MICU2: variants seen among roughly 807,000 people sequenced by gnomAD.
MICU2 encodes calcium uptake protein 2, mitochondrial.
MICU2 carries 64 observed loss-of-function variants against 60.4 expected under a neutral mutation model. The ratio of observed to expected loss-of-function variants is 1.06; its 90% confidence interval spans 0.87 to 1.31. The LOEUF (loss-of-function observed/expected upper bound fraction) is 1.31. Among genes scored for constraint, MICU2 ranks in the 50% most tolerant of loss-of-function variants. The pLI, the probability that MICU2 is intolerant of heterozygous loss-of-function variation, is 0.00. For synonymous variants in MICU2, 201 were observed against 175.0 expected (o/e 1.15, Z -1.17); for missense variants, 569 against 531.0 (o/e 1.07, Z -0.70).
At chr13:21,529,207 G>A (rs1886929181) in intron 4 of MICU2, among the ~76,000 whole-genome samples, 3 of 152,146 alleles carry the variant, frequency 2.0e-5, no homozygotes, top group South Asian at 4.1e-4. Flanking sequence ...AATATGAAGG[G>A]TGGGAGGGGC....
At chr13:21,508,203 A>G (rs1886338935) in intron 8 of MICU2, among the ~76,000 whole-genome samples, 1 of 149,360 alleles carries the variant, frequency 6.7e-6, no homozygotes, top group South Asian at 2.1e-4. Flanking sequence ...CTGGCTCACT[A>G]CAAGATCTGC....
intron 6 of MICU2, among the ~76,000 whole-genome samples, chr13:21,520,042 C>A (rs1167776076): frequency 1.3e-5 from 2 of 152,178 alleles, no homozygotes; most frequent in Non-Finnish European, 2.9e-5. Context: ...CCTCAGGCAA[C>A]CAGTGATCTG....
At chr13:21,494,843 GAATAGT>G (rs1337317872) in intron 11 of MICU2, among the ~76,000 whole-genome samples, 4 of 152,146 alleles carry the variant, frequency 2.6e-5, no homozygotes, top group Non-Finnish European at 5.9e-5. Flanking sequence ...CTACATTTCT[GAATAGT>G]AATTTCTTTT....
At chr13:21,505,983 T>C (rs912713401) in intron 8 of MICU2, among the ~76,000 whole-genome samples, 62 of 152,164 alleles carry the variant, frequency 4.1e-4, no homozygotes, top group Admixed American at 2.7e-3. Flanking sequence ...CTGAGGATGA[T>C]ATGTAACTAT....
chr13:21,578,720 G>A (rs979685329), intron 1 of MICU2, among the ~76,000 whole-genome samples: 3 of 152,076 alleles, frequency 2.0e-5, no homozygotes, highest in Non-Finnish European at 4.4e-5. Context: ...ACTCTGCTAT[G>A]TGCAACCTCA....
At chr13:21,582,501 AT>A (rs776583960) in intron 1 of MICU2, among the ~76,000 whole-genome samples, 1 of 152,234 alleles carries the variant, frequency 6.6e-6, no homozygotes, top group Non-Finnish European at 1.5e-5. Context: ...ATATCAAAGA[AT>A]TTCAGTAAAC....
chr13:21,573,773 A>G (rs751364098), intron 1 of MICU2, among the ~76,000 whole-genome samples: 3 of 152,154 alleles, frequency 2.0e-5, no homozygotes, highest in Admixed American at 1.3e-4. Context: ...ATTAGACATA[A>G]TTAAGATTAT....
At chr13:21,516,043 A>C (rs1273485532) in intron 6 of MICU2, among the ~76,000 whole-genome samples, 1 of 152,206 alleles carries the variant, frequency 6.6e-6, no homozygotes, top group Non-Finnish European at 1.5e-5. Flanking sequence ...AAACATTATT[A>C]ATCTTCAATA....
intron 1 of MICU2, among the ~76,000 whole-genome samples, chr13:21,573,080 T>C (rs888842704): frequency 3.9e-5 from 6 of 152,212 alleles, no homozygotes; most frequent in Non-Finnish European, 7.3e-5. Context: ...TTCAAAGTAC[T>C]TCGTAGAATG....
At chr13:21,599,024 G>C (rs752078387) in intron 1 of MICU2, among the ~76,000 whole-genome samples, 1 of 152,116 alleles carries the variant, frequency 6.6e-6, no homozygotes, top group Non-Finnish European at 1.5e-5. Context: ...ATTAGATTCT[G>C]ATAGGAGCGC....
chr13:21,588,555 A>C (rs1888507222), intron 1 of MICU2, among the ~76,000 whole-genome samples: 1 of 152,190 alleles, frequency 6.6e-6, no homozygotes, highest in Non-Finnish European at 1.5e-5. Flanking sequence ...GAAATTTAGC[A>C]TTCCTTGGAG....
intron 2 of MICU2, among the ~76,000 whole-genome samples, chr13:21,548,634 G>A (rs967018304): frequency 4.6e-5 from 7 of 152,238 alleles, no homozygotes; most frequent in African/African-American, 1.7e-4. Flanking sequence ...CGGGGCTAGT[G>A]AAGCTGTGGA....
chr13:21,521,190 C>A, intron 6 of MICU2, 55 bp downstream of exon 6: 1 of 1,311,976 alleles, frequency 7.6e-7, no homozygotes. Context: ...GTAAAATTAT[C>A]ACACAAACAT....
chr13:21,574,382 G>A (rs147274137), intron 1 of MICU2, among the ~76,000 whole-genome samples: 81 of 152,334 alleles, frequency 5.3e-4, no homozygotes, highest in Middle Eastern at 3.4e-3. Flanking sequence ...ATGCTCCATG[G>A]ATTTCAAGGA....
rs1377300371 is a variant in MICU2 at position 21,493,164 on chromosome 13, TAAG to T, written c.*82_*84del. The T allele has an allele frequency of 2.9e-5, 22 of 767,682 alleles. No homozygotes were observed. The highest frequency in any genetic ancestry group is 4.2e-5 in the Non-Finnish European group (21 of 496,772). 47.6% of individuals were successfully genotyped at this position (767,682 alleles called of 1,614,324 possible). ...TTCACACAGAATATCAATGAAGACT[TAAG>T]AAGATAAATAGCAAGTACTTCTAAA... On this transcript the variant is annotated 3_prime_UTR_variant, in exon 12 of 12. Transcript: ENST00000382374.
intron 2 of MICU2, among the ~76,000 whole-genome samples, chr13:21,546,109 T>G (rs1453431536): frequency 6.6e-6 from 1 of 152,206 alleles, no homozygotes; most frequent in Non-Finnish European, 1.5e-5. Flanking sequence ...CTATTTTCCT[T>G]CAACAAAGTA....
chr13:21,578,541 G>A (rs1402250110), intron 1 of MICU2, among the ~76,000 whole-genome samples: 1 of 151,946 alleles, frequency 6.6e-6, no homozygotes, highest in South Asian at 2.1e-4. Context: ...GTAAGCCAGT[G>A]AGCCATGATT....
At chr13:21,556,389 C>T (rs529501772) in intron 2 of MICU2, among the ~76,000 whole-genome samples, 1 of 152,166 alleles carries the variant, frequency 6.6e-6, no homozygotes, top group Non-Finnish European at 1.5e-5. Context: ...ATCTCTTCAC[C>T]TCCAAATGTT....
intron 4 of MICU2, among the ~76,000 whole-genome samples, chr13:21,527,582 T>C (rs556337311): frequency 2.1e-4 from 32 of 152,304 alleles, no homozygotes; most frequent in Middle Eastern, 3.4e-3. Flanking sequence ...CCTCTGAAAA[T>C]GTTTTTAAAG....
Sources: gnomAD v4.1 joint callset for allele counts (sites outside exome capture counted in the v4.1 genomes callset) on GRCh38, gnomAD v4.1.1 for gene constraint, MANE v1.5 for transcripts, NCBI Gene and HGNC (gene_info 2026-07-23, HGNC 2026-07-21) for gene names.